The following FUT8 variants were observed in gnomAD, a reference collection of about 807,000 sequenced individuals.
FUT8 encodes the protein alpha-(1,6)-fucosyltransferase.
In FUT8, 29 loss-of-function variants were observed where a neutral mutation model predicts 71.3. The ratio of observed to expected loss-of-function variants is 0.41; its 90% confidence interval spans 0.30 to 0.55. The LOEUF is 0.55. FUT8 is among the 20% of genes least tolerant of loss of function. The probability of loss-of-function intolerance (pLI) is 0.34; values close to 1 mark genes in which losing one functional copy is unlikely to be tolerated. For missense variants in FUT8, 544 were observed against 702.1 expected (o/e 0.77, Z 2.55); for synonymous variants, 254 against 239.3 (o/e 1.06, Z -0.57).
chr14:65,477,848 G>A (rs2066270035), intron 2 of FUT8, among the ~76,000 whole-genome samples: 1 of 151,286 alleles, frequency 6.6e-6, no homozygotes, highest in Admixed American at 6.6e-5. Flanking sequence ...ATGACTAAGG[G>A]TTTGTGATGT....
the FUT8 span, among the ~76,000 whole-genome samples, chr14:65,390,601 T>C: frequency 1.3e-5 from 2 of 152,168 alleles, no homozygotes; most frequent in South Asian, 4.2e-4. Flanking sequence ...ACATATCAGT[T>C]TGAGGAAATT....
intron 3 of FUT8, among the ~76,000 whole-genome samples, chr14:65,602,061 T>A (rs974032757): frequency 1.3e-5 from 2 of 151,812 alleles, no homozygotes; most frequent in Non-Finnish European, 2.9e-5. Context: ...TTTGTGAGAT[T>A]TTGATACACT....
intron 3 of FUT8, among the ~76,000 whole-genome samples, chr14:65,613,875 G>A (rs1316929501): frequency 1.3e-5 from 2 of 152,152 alleles, no homozygotes; most frequent in Non-Finnish European, 1.5e-5. Context: ...ACTTTGGGAG[G>A]TTGAGGTGGG....
intron 3 of FUT8, among the ~76,000 whole-genome samples, chr14:65,590,158 A>G (rs1177822322): frequency 6.6e-6 from 1 of 152,170 alleles, no homozygotes; most frequent in African/African-American, 2.4e-5. Flanking sequence ...TTATAAGTTA[A>G]CATTTTTTTT....
At chr14:65,400,159 TTTTTC>T in the FUT8 span, among the ~76,000 whole-genome samples, 1 of 152,236 alleles carries the variant, frequency 6.6e-6, no homozygotes, top group Admixed American at 6.5e-5. Flanking sequence ...ACTATTTTTC[TTTTTC>T]TTTTGTTTTC....
intron 2 of FUT8, among the ~76,000 whole-genome samples, chr14:65,479,177 A>G (rs1417783648): frequency 6.6e-6 from 1 of 152,214 alleles, no homozygotes; most frequent in Non-Finnish European, 1.5e-5. Flanking sequence ...TTCTGTGAGA[A>G]GCTTTGAAAA....
At chr14:65,447,291 CAA>C (rs999240365) in intron 1 of FUT8, among the ~76,000 whole-genome samples, 13 of 81,800 alleles carry the variant, frequency 1.6e-4, no homozygotes, top group East Asian at 3.5e-4. Flanking sequence ...GAGACTCTCT[CAA>C]AAAAAAAAAA....
chr14:65,365,478 C>T, the FUT8 span, among the ~76,000 whole-genome samples: 2 of 152,058 alleles, frequency 1.3e-5, no homozygotes, highest in African/African-American at 4.8e-5. Context: ...GGGCTGCCTT[C>T]CCAGATGGTT....
At chr14:65,629,872 A>G (rs1890096384) in intron 6 of FUT8, among the ~76,000 whole-genome samples, 1 of 152,094 alleles carries the variant, frequency 6.6e-6, no homozygotes, top group Non-Finnish European at 1.5e-5. Flanking sequence ...CAATACAAAT[A>G]TAACATCTTA....
At position 65,537,629 on chromosome 14, in the gene FUT8, C is replaced by T. The variant is rs188020513; in HGVS notation, c.-227-23708C>T. On this transcript the variant is annotated intron_variant, in intron 2 of 10. Coordinates refer to ENST00000673929, the MANE Select transcript of FUT8 (RefSeq NM_001371533.1). ...GTCTCGATCTCCTGACCTTGTGATC[C>T]ACCCACCTTGGCCTCCCAAACTGCT... is the stretch of plus-strand genomic sequence containing the variant. Among the ~76,000 whole-genome samples the T allele has an allele frequency of 7.6e-4, 115 of 152,274 alleles. 2 individuals are homozygous for T. The highest frequency in any genetic ancestry group is 9.8e-4 in the Admixed American group (15 of 15,290).
intron 2 of FUT8, among the ~76,000 whole-genome samples, chr14:65,505,372 G>A (rs923029706): frequency 4.1e-5 from 6 of 147,258 alleles, no homozygotes; most frequent in Non-Finnish European, 8.9e-5. Context: ...GAGTGCAGTG[G>A]TGCAATCTCG....
In FUT8 at chr14:65,455,685, T is replaced by G. The variant is rs1227680331; in HGVS notation, c.-261T>G. The G allele has an allele frequency of 1.5e-5, 6 of 398,238 alleles. 1 individual carries two copies. Among genetic ancestry groups the G allele is most frequent in the Admixed American group, 1.3e-4 (3 of 22,714 alleles). The allele number at this position is 398,238 out of a possible 1,614,324, so 24.7% of individuals were successfully genotyped here. A position where few individuals can be genotyped will look rare whatever the true frequency, so the allele number is the denominator to read the frequency against. On this transcript the variant is annotated 5_prime_UTR_variant, in exon 2 of 11. It adds an upstream start codon to the 5' untranslated region. Coordinates refer to ENST00000673929, the MANE Select transcript of FUT8 (RefSeq NM_001371533.1). ...GTCTTTTTGTTCAAGATAAAGTGAT[T>G]TTTTGCCTTTGTTGATTAACTGGAC...
intron 1 of FUT8, among the ~76,000 whole-genome samples, chr14:65,415,284 A>G (rs188706498): frequency 2.8e-4 from 42 of 152,346 alleles, no homozygotes; most frequent in Non-Finnish European, 4.6e-4. Context: ...ATTTTTAATT[A>G]AAAGAGTAGG....
rs750166115 is a variant in FUT8 at position 65,627,983 on chromosome 14, G to A, written c.483-1509G>A. 3.9e-5 allele frequency among the ~76,000 whole-genome samples: 6 copies of A among 152,166 alleles called. No homozygotes were observed. Among genetic ancestry groups the A allele is most frequent in the Non-Finnish European group, 8.8e-5 (6 of 68,024 alleles). On this transcript the variant is annotated intron_variant, in intron 5 of 10. Coordinates refer to ENST00000673929, the MANE Select transcript of FUT8 (RefSeq NM_001371533.1). This position sits in a 1 kb window ranked among gnomAD's most constrained non-coding sequence, Gnocchi z 4.0. ...CTAGCTACCTACTCAAACAGGAGGAGAGGGAAAACCAAGGGTTGAGGGTGA... is the reference window on the plus strand; with the variant it reads ...CTAGCTACCTACTCAAACAGGAGGAAAGGGAAAACCAAGGGTTGAGGGTGA...
At chr14:65,680,350 G>A (rs1336172080) in intron 7 of FUT8, among the ~76,000 whole-genome samples, 1 of 152,166 alleles carries the variant, frequency 6.6e-6, no homozygotes, top group African/African-American at 2.4e-5. Context: ...TTATGTCTAT[G>A]ATCTCTCTAG....
Position 65,417,546 on chromosome 14 carries a change from G to A in FUT8, c.-326+4332G>A, listed in dbSNP as rs2065236305. Among the ~76,000 whole-genome samples, 3 of 151,888 alleles carry A rather than the reference G, an allele frequency of 2.0e-5. No homozygotes were observed. In the South Asian group the frequency reaches 6.2e-4, roughly 32 times the overall value. ...ATTATGCCGTATTTGTCAATATAAG[G>A]GTTACTTTTGTACTCTTACTGAAAG... On this transcript the variant is annotated intron_variant, in intron 1 of 10. Transcript: ENST00000673929.
chr14:65,653,335 A>G (rs1003455085), intron 6 of FUT8, among the ~76,000 whole-genome samples: 1 of 152,170 alleles, frequency 6.6e-6, no homozygotes, highest in Non-Finnish European at 1.5e-5. Flanking sequence ...TTTCATGTCT[A>G]TCCTTCTGAC....
upstream of FUT8, chr14:65,411,290 C>T (rs555340051): frequency 6.6e-6 from 1 of 150,474 alleles, no homozygotes; most frequent in African/African-American, 2.4e-5. Context: ...TTTCAATTTT[C>T]TTTTCTCACA....
At chr14:65,522,058 T>G in intron 2 of FUT8, among the ~76,000 whole-genome samples, 1 of 152,260 alleles carries the variant, frequency 6.6e-6, no homozygotes, top group East Asian at 1.9e-4. Flanking sequence ...TAGTCTAACT[T>G]TAGTCCATTG....
Sources: allele counts gnomAD v4.1 joint callset (sites outside exome capture counted in the v4.1 genomes callset), GRCh38; gene constraint gnomAD v4.1.1; non-coding constraint Gnocchi (gnomAD v3.1); transcripts MANE v1.5; gene names NCBI Gene and HGNC (gene_info 2026-07-23, HGNC 2026-07-21).